PPP1R12A: variants seen among roughly 807,000 people sequenced by gnomAD.
The protein encoded by PPP1R12A is protein phosphatase 1 regulatory subunit 12A.
PPP1R12A carries 19 observed loss-of-function variants against 139.6 expected under a neutral mutation model. The ratio of observed to expected loss-of-function variants is 0.14; its 90% CI spans 0.09 to 0.20. The LOEUF (loss-of-function observed/expected upper bound fraction) is 0.20. PPP1R12A is among the 10% of genes least tolerant of loss of function. The pLI, the probability that PPP1R12A is intolerant of heterozygous loss-of-function variation, is 1.00. For missense variants in PPP1R12A, 925 were observed against 1,211.5 expected (o/e 0.76, Z 3.51); for synonymous variants, 427 against 420.6 (o/e 1.02, Z -0.19).
At chr12:79,809,409 T>C (rs1399574359) in intron 10 of PPP1R12A, among the ~76,000 whole-genome samples, 1 of 152,202 alleles carries the variant, frequency 6.6e-6, no homozygotes, top group Non-Finnish European at 1.5e-5. Flanking sequence ...GTATTTTTTT[T>C]CAGATACTGA....
At chr12:79,786,050 AT>A (rs869168223) in intron 22 of PPP1R12A, among the ~76,000 whole-genome samples, 5 of 152,190 alleles carry the variant, frequency 3.3e-5, no homozygotes, top group Non-Finnish European at 4.4e-5. Context: ...CTATTATAAA[AT>A]TTTTTATATG....
intron 3 of PPP1R12A, among the ~76,000 whole-genome samples, chr12:79,843,260 CAA>C (rs1225515991): frequency 6.6e-6 from 1 of 151,986 alleles, no homozygotes; most frequent in East Asian, 1.9e-4. Context: ...TATTCAATTT[CAA>C]AGAGTTGAGT....
At chr12:79,831,166 T>C (rs1232613486) in intron 4 of PPP1R12A, among the ~76,000 whole-genome samples, 1 of 151,014 alleles carries the variant, frequency 6.6e-6, no homozygotes, top group Non-Finnish European at 1.5e-5. Context: ...AAAAAAATGC[T>C]GTTGGCAACT....
At chr12:79,901,879 T>C (rs760785840) in intron 1 of PPP1R12A, among the ~76,000 whole-genome samples, 1 of 152,168 alleles carries the variant, frequency 6.6e-6, no homozygotes, top group Non-Finnish European at 1.5e-5. Context: ...GGGAAAACTT[T>C]CCCTGTTTCC....
intron 1 of PPP1R12A, among the ~76,000 whole-genome samples, chr12:79,876,307 C>T (rs1029823037): frequency 5.3e-5 from 8 of 152,228 alleles, no homozygotes; most frequent in African/African-American, 1.9e-4. Context: ...TGAGCGTTTA[C>T]TGAGAGCAGG....
chr12:79,908,259 T>C (rs896765915), intron 1 of PPP1R12A, among the ~76,000 whole-genome samples: 17 of 152,206 alleles, frequency 1.1e-4, no homozygotes, highest in Non-Finnish European at 2.2e-4. Flanking sequence ...AGCACTGTAT[T>C]TAATTATTTC....
chr12:79,816,347 C>T (rs1875380223), intron 9 of PPP1R12A, among the ~76,000 whole-genome samples: 1 of 151,610 alleles, frequency 6.6e-6, no homozygotes, highest in African/African-American at 2.4e-5. Context: ...CTAGGAGATA[C>T]ATACTGACAT....
intron 19 of PPP1R12A, among the ~76,000 whole-genome samples, chr12:79,791,428 C>T (rs573103711): frequency 6.6e-6 from 1 of 152,100 alleles, no homozygotes; most frequent in Non-Finnish European, 1.5e-5. Context: ...CCTGGCCCAA[C>T]TGATCCTTCT....
At chr12:79,856,857 C>T (rs1008178819) in intron 2 of PPP1R12A, among the ~76,000 whole-genome samples, 1 of 152,136 alleles carries the variant, frequency 6.6e-6, no homozygotes, top group African/African-American at 2.4e-5. Flanking sequence ...GAAACAGAAC[C>T]GTGAGCTTAG....
intron 2 of PPP1R12A, among the ~76,000 whole-genome samples, chr12:79,872,373 A>T (rs960579642): frequency 6.4e-4 from 97 of 152,300 alleles, no homozygotes; most frequent in African/African-American, 2.2e-3. Flanking sequence ...TGTATTTTTT[A>T]AAAAAGACAA....
intron 5 of PPP1R12A, among the ~76,000 whole-genome samples, chr12:79,822,811 AT>A (rs34115550): frequency 0.23 from 30,375 of 129,656 alleles, 4,811 homozygotes; most frequent in East Asian, 0.58. Context: ...GGACATCTGC[AT>A]TTTTTTTTTT....
In PPP1R12A at chr12:79,793,925, C is replaced by G; in HGVS notation, c.2587G>C (p.Asp863His). 6.3e-7 allele frequency: 1 copy of G among 1,587,472 alleles called. No homozygotes were observed. Among genetic ancestry groups the G allele is most frequent in the Non-Finnish European group, 8.6e-7 (1 of 1,169,354 alleles). The change falls in exon 19 of 25, where the codon GAT becomes CAT. Residue 863 changes from aspartate (D) to histidine (H), a missense_variant. Asp to His is a moderately conservative substitution (Grantham distance 81). This residue lies in a region of PPP1R12A where 315 missense variants were observed against 363.4 expected (regional missense o/e 0.87). Coordinates refer to ENST00000450142, the MANE Select transcript of PPP1R12A (RefSeq NM_002480.3). ...TGVSFWTQDSDENEQEQQSDT... is the reference protein window; with the variant it reads ...TGVSFWTQDSHENEQEQQSDT... ...GATTGTTGTTCTTGTTCATTTTCAT[C>G]ACTCTAAAAACAGATTGCCAATTTA...
intron 3 of PPP1R12A, among the ~76,000 whole-genome samples, chr12:79,840,896 A>G (rs572066451): frequency 8.5e-4 from 129 of 152,276 alleles, no homozygotes; most frequent in Non-Finnish European, 1.1e-3. Flanking sequence ...AATGTCTACA[A>G]AAATAGATAT....
rs1592861550 is a variant in PPP1R12A at position 79,934,957 on chromosome 12, T to A, written c.-26A>T. On this transcript the variant is annotated 5_prime_UTR_variant, in exon 1 of 25. Coordinates refer to ENST00000450142, the MANE Select transcript of PPP1R12A (RefSeq NM_002480.3). ...CCCCTCTCCTGCCGCCGGGTCTTCT[T>A]ATCGCGAGGGGGGGAAGGGGGAGGC... The A allele has an allele frequency of 6.4e-7, 1 of 1,559,872 alleles. No homozygotes were observed.
chr12:79,910,948 A>C (rs947780213), intron 1 of PPP1R12A, among the ~76,000 whole-genome samples: 2 of 152,088 alleles, frequency 1.3e-5, no homozygotes, highest in Non-Finnish European at 2.9e-5. Context: ...TGACCAAAAA[A>C]CCCCCATAAC....
intron 14 of PPP1R12A, among the ~76,000 whole-genome samples, chr12:79,804,028 A>G (rs1396011677): frequency 6.6e-6 from 1 of 152,116 alleles, no homozygotes; most frequent in Non-Finnish European, 1.5e-5. Flanking sequence ...TAGAGATAGA[A>G]AAGATTCTAG....
intron 1 of PPP1R12A, among the ~76,000 whole-genome samples, chr12:79,906,892 C>T (rs967600990): frequency 6.6e-6 from 1 of 152,108 alleles, no homozygotes; most frequent in Non-Finnish European, 1.5e-5. Context: ...GTGATTTGCC[C>T]GCCTCGGCCT....
At chr12:79,791,409 C>T (rs1871838286) in intron 19 of PPP1R12A, among the ~76,000 whole-genome samples, 1 of 152,168 alleles carries the variant, frequency 6.6e-6, no homozygotes, top group African/African-American at 2.4e-5. Context: ...CTCACTACAG[C>T]CTCGACCTCC....
chr12:79,934,649 A>G, intron 1 of PPP1R12A, 46 bp downstream of exon 1: 1 of 1,471,348 alleles, frequency 6.8e-7, no homozygotes, highest in Non-Finnish European at 9.1e-7. Context: ...CAGGAGGCCG[A>G]CGAGAACCCT....
Sources: gnomAD v4.1 joint callset for allele counts (sites outside exome capture counted in the v4.1 genomes callset) on GRCh38, gnomAD v4.1.1 for gene constraint, gnomAD v4.1.1 regional missense constraint, MANE v1.5 for transcripts, NCBI Gene and HGNC (gene_info 2026-07-23, HGNC 2026-07-21) for gene names.